VRTN: variants seen among roughly 807,000 people sequenced by gnomAD.
VRTN encodes vertnin.
A neutral mutation model predicts 18.2 loss-of-function variants in VRTN; 5 were observed. That is an observed-to-expected ratio of 0.27 (90% CI 0.14 to 0.58). VRTN has a LOEUF of 0.58. VRTN is among the 20% of genes least tolerant of loss of function. VRTN has a pLI of 0.91. For synonymous variants in VRTN, 381 were observed against 393.7 expected (o/e 0.97, Z 0.38); for missense variants, 741 against 939.4 (o/e 0.79, Z 2.76).
At chr14:74,306,563 G>A (rs1289780791) in intron 1 of VRTN, 1 of 151,026 alleles carries the variant, frequency 6.6e-6, no homozygotes, top group African/African-American at 2.4e-5. Context: ...TACTGTTCTA[G>A]TGTAGTTGGT....
chr14:74,319,913 C>A (rs928166175), intron 1 of VRTN, among the ~76,000 whole-genome samples: 1 of 152,054 alleles, frequency 6.6e-6, no homozygotes, highest in Non-Finnish European at 1.5e-5. Context: ...GAGAACTGGA[C>A]AAATGTGTTG....
chr14:74,308,875 T>G (rs914733460), intron 1 of VRTN, among the ~76,000 whole-genome samples: 5 of 151,870 alleles, frequency 3.3e-5, no homozygotes, highest in South Asian at 2.1e-4. Flanking sequence ...TGTTTTTTTT[T>G]TTTTTTTGAG....
Position 74,322,569 on chromosome 14 carries a change from A to G in VRTN, c.-163-15154A>G, listed in dbSNP as rs527847613. On this transcript the variant is annotated intron_variant, in intron 1 of 2. Transcript: ENST00000557177. Reference sequence around the variant, plus strand: ...TGGCCTTTCAAGACTCCACTGAAGCATATCCCCTGAAATTTGCAACTGACT... The same window carrying G: ...TGGCCTTTCAAGACTCCACTGAAGCGTATCCCCTGAAATTTGCAACTGACT... 8.5e-5 allele frequency among the ~76,000 whole-genome samples: 13 copies of G among 152,298 alleles called. No individual in the cohort carries two copies. The South Asian group carries it at 1.9e-3, about 22-fold the overall frequency.
intron 1 of VRTN, among the ~76,000 whole-genome samples, chr14:74,310,834 G>A (rs112238536): frequency 1.3e-3 from 199 of 151,178 alleles, no homozygotes; most frequent in African/African-American, 4.7e-3. Flanking sequence ...CACTGCACCC[G>A]GTGAGGTTTT....
At chr14:74,343,720 T>C (rs1381230372), upstream of VRTN, among the ~76,000 whole-genome samples, 2 of 152,126 alleles carry the variant, frequency 1.3e-5, no homozygotes, top group African/African-American at 2.4e-5. Context: ...CTAATCCCAA[T>C]TGAGATGTGC....
At chr14:74,353,570 G>A (rs1050009055) in intron 1 of VRTN, among the ~76,000 whole-genome samples, 8 of 152,032 alleles carry the variant, frequency 5.3e-5, no homozygotes, top group Admixed American at 4.6e-4. Context: ...ACTCCTGTAC[G>A]GTCTGCAGAC....
At chr14:74,324,182 T>G (rs2085473081) in intron 1 of VRTN, among the ~76,000 whole-genome samples, 1 of 150,742 alleles carries the variant, frequency 6.6e-6, no homozygotes, top group Non-Finnish European at 1.5e-5. Context: ...AGGTCAGGAG[T>G]TCGAGACCAG....
upstream of VRTN, among the ~76,000 whole-genome samples, chr14:74,344,863 T>C (rs1435362360): frequency 6.6e-6 from 1 of 151,648 alleles, no homozygotes; most frequent in East Asian, 1.9e-4. Context: ...GAGTGTATAG[T>C]AGACTACCAT....
chr14:74,303,439 T>C (rs1177796300), intron 1 of VRTN, among the ~76,000 whole-genome samples: 1 of 152,054 alleles, frequency 6.6e-6, no homozygotes, highest in East Asian at 1.9e-4. Context: ...TGGTCCGAGC[T>C]ACTCTGGAGG....
At chr14:74,322,528 A>T (rs988311683) in intron 1 of VRTN, among the ~76,000 whole-genome samples, 3 of 152,168 alleles carry the variant, frequency 2.0e-5, no homozygotes, top group Admixed American at 6.6e-5. Context: ...TCCCCTTGGT[A>T]GGAAAACACA....
intron 1 of VRTN, among the ~76,000 whole-genome samples, chr14:74,310,759 A>G (rs1485449473): frequency 1.3e-5 from 2 of 152,018 alleles, no homozygotes; most frequent in East Asian, 3.9e-4. Context: ...TCTGGTCTCA[A>G]ACTCCTGACC....
intron 1 of VRTN, among the ~76,000 whole-genome samples, chr14:74,355,363 A>G (rs1233362440): frequency 6.6e-6 from 1 of 152,170 alleles, no homozygotes; most frequent in East Asian, 1.9e-4. Context: ...ATCATGCTAA[A>G]GGGAGCTAAT....
chr14:74,326,688 C>G lies in VRTN; in HGVS notation c.-163-11035C>G, dbSNP rs945362898. 2.6e-5 allele frequency among the ~76,000 whole-genome samples: 4 copies of G among 152,096 alleles called. No individual in the cohort carries two copies. The East Asian group carries it at 7.7e-4, about 29-fold the overall frequency. On this transcript the variant is annotated intron_variant, in intron 1 of 2. Coordinates refer to the VRTN transcript ENST00000557177. The stretch of plus-strand genomic sequence containing the variant: ...AGGCGCCCTGAGTCTGGGGCCCCTT[C>G]CCTGGACTCCTGCCAGCTCCAGGGA...
Position 74,357,850 on chromosome 14 carries a change from G to T in VRTN, c.1067G>T (p.Gly356Val), listed in dbSNP as rs1252798871. 6.2e-7 allele frequency: 1 copy of T among 1,613,760 alleles called. No homozygotes were observed. Among genetic ancestry groups the T allele is most frequent in the Non-Finnish European group, 8.5e-7 (1 of 1,180,036 alleles). ...TYYAWKHELL[G>V]SGTCPALPPR... ...TATGCCTGGAAGCATGAGCTGCTGG[G>T]CTCTGGCACCTGCCCGGCCTTGCCC... The change falls in exon 2 of 2, where the codon GGC (glycine) becomes GTC (valine). Residue 356 changes from glycine (G) to valine (V), a missense_variant. Physicochemically the swap from Gly to Val is moderately radical, Grantham distance 109. Around this residue, in one of 3 missense-constraint regions of VRTN, gnomAD observed 494 missense variants for 546.5 expected, o/e 0.90. Transcript: ENST00000256362. The surrounding 1 kb of genome is among the most constrained non-coding windows in gnomAD (Gnocchi z 7.8).
Position 74,328,640 on chromosome 14 carries a change from T to TA in VRTN, c.-163-9077dup, listed in dbSNP as rs202025926. Among the ~76,000 whole-genome samples the TA allele has an allele frequency of 2.2e-3, 335 of 152,280 alleles. 22 individuals are homozygous for TA. The East Asian group carries it at 0.059, about 27-fold the overall frequency. On this transcript the variant is annotated intron_variant, in intron 1 of 2. Transcript: ENST00000557177. The stretch of plus-strand genomic sequence containing the variant: ...CTACAACAAAACATTCTACAGCTGT[T>TA]AAAAAACGAGGTAATTTTATACTGA...
At chr14:74,338,520 T>C (rs1445870579) in intron 2 of VRTN, among the ~76,000 whole-genome samples, 4 of 152,178 alleles carry the variant, frequency 2.6e-5, no homozygotes, top group African/African-American at 7.2e-5. Flanking sequence ...GAGCTGAGTA[T>C]AATGCCTACA....
At position 74,356,908 on chromosome 14, in the gene VRTN, C is replaced by A; in HGVS notation, c.125C>A (p.Thr42Asn). ...LEAKQVLSSFTLPTCREGGPG... is the reference protein window; with the variant it reads ...LEAKQVLSSFNLPTCREGGPG... ...GCCAAGCAGGTCCTGTCTTCCTTCACTCTCCCCACCTGCCGGGAGGGAGGC... is the reference window on the plus strand; with the variant it reads ...GCCAAGCAGGTCCTGTCTTCCTTCAATCTCCCCACCTGCCGGGAGGGAGGC... Residue 42 changes from threonine (T) to asparagine (N), a missense_variant, in exon 2 of 2, where the codon ACT becomes AAT. Physicochemically the swap from Thr to Asn is moderately conservative, Grantham distance 65 (BLOSUM62 0). This residue lies in a region of VRTN where 186 missense variants were observed against 288.3 expected (regional missense o/e 0.65). Coordinates refer to ENST00000256362, the MANE Select transcript of VRTN (RefSeq NM_018228.3). 1 of 1,614,070 alleles carries A rather than the reference C, an allele frequency of 6.2e-7. No individual in the cohort carries two copies.
chr14:74,335,917 C>T (rs1205163308), intron 1 of VRTN, among the ~76,000 whole-genome samples: 4 of 151,208 alleles, frequency 2.6e-5, no homozygotes, highest in African/African-American at 9.7e-5. Flanking sequence ...ATTTTTGTGT[C>T]TTTAGTAGAG....
chr14:74,317,920 G>A (rs892839615), intron 1 of VRTN, among the ~76,000 whole-genome samples: 70 of 152,182 alleles, frequency 4.6e-4, no homozygotes, highest in African/African-American at 1.5e-3. Flanking sequence ...GAAGCCAGGA[G>A]CTTTATACCA....
Sources: allele counts gnomAD v4.1 joint callset (sites outside exome capture counted in the v4.1 genomes callset), GRCh38; gene constraint gnomAD v4.1.1; regional missense constraint gnomAD v4.1.1; non-coding constraint Gnocchi (gnomAD v3.1); transcripts MANE v1.5; gene names NCBI Gene and HGNC (gene_info 2026-07-23, HGNC 2026-07-21).